FHIP1B: variants seen among roughly 807,000 people sequenced by gnomAD.
The protein encoded by FHIP1B is FHF complex subunit HOOK-interacting protein 1B.
Under a neutral mutation model 82.2 loss-of-function variants are expected in FHIP1B, and 28 were observed. The ratio of observed to expected loss-of-function variants is 0.34; its 90% CI spans 0.25 to 0.47. The LOEUF is 0.47. Among genes scored for constraint, FHIP1B ranks in the 20% least tolerant of loss-of-function variants. The pLI is 1.00. For synonymous variants in FHIP1B, 585 were observed against 516.1 expected (o/e 1.13, Z -1.81); for missense variants, 1,110 against 1,262.6 (o/e 0.88, Z 1.83).
At chr11:6,218,196 A>G in intron 8 of FHIP1B, 46 bp from the exon 9 acceptor site, 1 of 1,565,524 alleles carries the variant, frequency 6.4e-7, no homozygotes, top group Non-Finnish European at 8.6e-7. Context: ...ACAGAGGTTC[A>G]GAAGGAGAGA....
intron 1 of FHIP1B, among the ~76,000 whole-genome samples, chr11:6,226,875 CAG>C (rs1847579081): frequency 6.6e-6 from 1 of 152,072 alleles, no homozygotes; most frequent in African/African-American, 2.4e-5. Flanking sequence ...TAAGATGGAG[CAG>C]AGAGAGATGG....
intron 6 of FHIP1B, among the ~76,000 whole-genome samples, chr11:6,219,655 A>C (rs1437422752): frequency 6.6e-6 from 1 of 152,196 alleles, no homozygotes; most frequent in Non-Finnish European, 1.5e-5. Context: ...GATTAGAGGA[A>C]ATCTTTTATT....
chr11:6,223,570 T>A lies in FHIP1B; in HGVS notation c.777+40A>T. ...GGATAGGAAGGTGCTGTTCAGTATC[T>A]ACACACCACACCCTACCCTCCAAGC... On this transcript the variant is annotated intron_variant, in intron 3 of 11. Transcript: ENST00000449352. This position sits in a 1 kb window ranked among gnomAD's most constrained non-coding sequence, Gnocchi z 4.8. The A allele has an allele frequency of 6.5e-7, 1 of 1,542,992 alleles. No individual in the cohort carries two copies. The highest frequency in any genetic ancestry group is 8.7e-7 in the Non-Finnish European group (1 of 1,146,210).
chr11:6,224,972 T>C (rs1047795079), intron 1 of FHIP1B, among the ~76,000 whole-genome samples: 20 of 152,214 alleles, frequency 1.3e-4, no homozygotes, highest in Non-Finnish European at 2.6e-4. Flanking sequence ...TTTTTTCTTT[T>C]CCTTACTTCC....
chr11:6,217,999 G>C lies in FHIP1B; in HGVS notation c.1587C>G (p.Ser529=), dbSNP rs1039384609. The stretch of plus-strand genomic sequence containing the variant: ...GCCGTCGGCCAGGGCTGGAGGCGGG[G>C]GATGCAGAAAGCCCTGGTGAGCAAG... The part of the protein sequence containing the change: ...PAPCSPGLSA[S]PASSPGRRPT... Residue 529 remains serine, a synonymous_variant, in exon 9 of 12, where the codon TCC becomes TCG. Coordinates refer to ENST00000449352, the MANE Select transcript of FHIP1B (RefSeq NM_001098794.2). 5.0e-6 allele frequency: 8 copies of C among 1,613,538 alleles called. No individual in the cohort carries two copies. The highest frequency in any genetic ancestry group is 1.6e-4 in the Middle Eastern group (1 of 6,084).
chr11:6,225,372 T>C (rs1314289931), intron 1 of FHIP1B, among the ~76,000 whole-genome samples: 2 of 152,244 alleles, frequency 1.3e-5, no homozygotes, highest in Non-Finnish European at 2.9e-5. Flanking sequence ...TTTGTTTGTT[T>C]GTTTGTTTCA....
rs759141820 is a variant in FHIP1B at position 6,214,477 on chromosome 11, G to A, written c.2491C>T (p.Arg831Cys). 5.0e-6 allele frequency: 8 copies of A among 1,614,002 alleles called. No individual in the cohort carries two copies. The African/African-American group carries it at 5.3e-5, about 11-fold the overall frequency. Residue 831 changes from arginine (R) to cysteine (C), a missense_variant, in exon 11 of 12, where the codon CGT becomes TGT. Physicochemically the swap from Arg to Cys is radical, Grantham distance 180. This residue lies in a region of FHIP1B where 147 missense variants were observed against 154.0 expected (regional missense o/e 0.95). Coordinates refer to ENST00000449352, the MANE Select transcript of FHIP1B (RefSeq NM_001098794.2). ...LSKAKKYLIA[R>C]GKLDWAEGPA... ...CCCTCAGCCCAGTCCAACTTGCCAC[G>A]GGCAATGAGGTACTTCTTGGCTTTG...
chr11:6,231,249 C>A lies in FHIP1B; in HGVS notation c.-192+3295G>T, dbSNP rs767590959. Among the ~76,000 whole-genome samples, 5 of 152,144 alleles carry A rather than the reference C, an allele frequency of 3.3e-5. 1 individual carries two copies. The South Asian group carries it at 8.3e-4, about 25-fold the overall frequency. Reference sequence around the variant, plus strand: ...TGATTGAATGCAGGGAGTAAAAGAGCAGAAAGTATGAAAGATGACAATGTA... The same window carrying A: ...TGATTGAATGCAGGGAGTAAAAGAGAAGAAAGTATGAAAGATGACAATGTA... On this transcript the variant is annotated intron_variant, in intron 1 of 11. Transcript: ENST00000449352.
rs1371060483 is a variant in FHIP1B at position 6,214,462 on chromosome 11, A to G, written c.2506T>C (p.Trp836Arg). Reference sequence around the variant, plus strand: ...GGTCCTGCTGCAGGGCCCTCAGCCCAGTCCAACTTGCCACGGGCAATGAGG... The same window carrying G: ...GGTCCTGCTGCAGGGCCCTCAGCCCGGTCCAACTTGCCACGGGCAATGAGG... ...KYLIARGKLD[W>R]AEGPAAGPAP... Residue 836 changes from tryptophan to arginine, a missense_variant, in exon 11 of 12, where the codon TGG becomes CGG. Trp to Arg is a moderately radical substitution (Grantham distance 101, BLOSUM62 -3). Coordinates refer to ENST00000449352, the MANE Select transcript of FHIP1B (RefSeq NM_001098794.2). 3.1e-6 allele frequency: 5 copies of G among 1,613,908 alleles called. No homozygotes were observed. The African/African-American group carries it at 5.3e-5, about 17-fold the overall frequency.
rs72910144 is a variant in FHIP1B, at chr11:6,217,433, G to A, written c.2153C>T (p.Pro718Leu). 18,020 of 1,614,056 alleles carry A rather than the reference G, an allele frequency of 0.011. 139 individuals carry two copies. The highest frequency in any genetic ancestry group is 0.013 in the Non-Finnish European group (15,915 of 1,179,950). The change falls in exon 9 of 12, where the codon CCT becomes CTT. Residue 718 changes from proline (P) to leucine (L), a missense_variant. Physicochemically the swap from Pro to Leu is moderately conservative, Grantham distance 98. Around this residue, in one of 6 missense-constraint regions of FHIP1B, gnomAD observed 418 missense variants for 371.4 expected, o/e 1.13. Transcript: ENST00000449352. Reference protein sequence around the residue: ...YESFTCPPEPPGPFLSSPLRT... With the variant: ...YESFTCPPEPLGPFLSSPLRT... ...CAAAGGGCTGCTGAGGAAGGGGCCA[G>A]GGGGCTCAGGGGGACAGGTGAAGCT...
Position 6,222,945 on chromosome 11 carries a change from C to G in FHIP1B, c.937-48G>C, listed in dbSNP as rs562223492. 1.9e-6 allele frequency: 3 copies of G among 1,597,512 alleles called. No individual in the cohort carries two copies. The African/African-American group carries it at 4.0e-5, about 21-fold the overall frequency. The stretch of plus-strand genomic sequence containing the variant: ...GGGGAGGGTTATGAGGAGACCACTG[C>G]CTGGAAGGGAGTAGAATAGTACACT... On this transcript the variant is annotated intron_variant, in intron 4 of 11. Transcript: ENST00000449352.
intron 1 of FHIP1B, among the ~76,000 whole-genome samples, chr11:6,228,142 G>GT (rs1471178273): frequency 1.3e-5 from 2 of 152,206 alleles, no homozygotes; most frequent in Non-Finnish European, 2.9e-5. Flanking sequence ...GAGGTCAGGA[G>GT]TTTGAGACCA....
rs143007514 is a variant in FHIP1B, at chr11:6,214,387, C to T, written c.2557+24G>A. 2.4e-4 allele frequency: 387 copies of T among 1,582,596 alleles called. 1 individual carries two copies. The East Asian group carries it at 5.8e-3, about 24-fold the overall frequency. ...ATAGGCTATCTAGGGAGGGCAGGTACGGGTGTGGTGGGATAGGCCTCACCT... is the reference window on the plus strand; with the variant it reads ...ATAGGCTATCTAGGGAGGGCAGGTATGGGTGTGGTGGGATAGGCCTCACCT... On this transcript the variant is annotated intron_variant, in intron 11 of 11. Coordinates refer to ENST00000449352, the MANE Select transcript of FHIP1B (RefSeq NM_001098794.2).
intron 6 of FHIP1B, among the ~76,000 whole-genome samples, chr11:6,221,986 T>C (rs1482814107): frequency 6.6e-6 from 1 of 152,048 alleles, no homozygotes; most frequent in Non-Finnish European, 1.5e-5. Flanking sequence ...GGTGGATGAG[T>C]GCTCCAAGCT....
intron 2 of FHIP1B, 35 bp downstream of exon 2, chr11:6,224,344 C>G: frequency 6.2e-7 from 1 of 1,614,206 alleles, no homozygotes. Context: ...CTCAGGTGAT[C>G]AGCAGACAAG....
At chr11:6,218,785 G>C (rs1847323950) in intron 7 of FHIP1B, 22 bp from the exon 8 acceptor site, 3 of 1,613,002 alleles carry the variant, frequency 1.9e-6, no homozygotes, top group African/African-American at 1.3e-5. Context: ...ATCAGAAAGG[G>C]GACACAGGGT....
Position 6,224,669 on chromosome 11 carries a change from G to A in FHIP1B, c.-153C>T. On this transcript the variant is annotated 5_prime_UTR_variant, in exon 2 of 12. Transcript: ENST00000449352. ...CCAGAGGTTATACCAGGCTGGAATG[G>A]CAAGCCCAGAGGTCACTGGCCAGTC... 3 of 742,528 alleles carry A rather than the reference G, an allele frequency of 4.0e-6. No homozygotes were observed. Among genetic ancestry groups the A allele is most frequent in the Non-Finnish European group, 6.4e-6 (3 of 466,514 alleles). 46.0% of individuals were successfully genotyped at this position (742,528 alleles called of 1,614,324 possible).
chr11:6,218,121 A>T lies in FHIP1B; in HGVS notation c.1465T>A (p.Ser489Thr), dbSNP rs1248604751. Reference protein sequence around the residue: ...GPGSPSVDSSSVTTVPRPSTP... With the variant: ...GPGSPSVDSSTVTTVPRPSTP... Reference sequence around the variant, plus strand: ...GAGGGCCGGGGTACTGTCGTCACAGAAGAGGAGTCCACACTTGGGCTTCCA... The same window carrying T: ...GAGGGCCGGGGTACTGTCGTCACAGTAGAGGAGTCCACACTTGGGCTTCCA... Residue 489 changes from serine (S) to threonine (T), a missense_variant, in exon 9 of 12, where the codon TCT becomes ACT. Physicochemically the swap from Ser to Thr is moderately conservative, Grantham distance 58 (BLOSUM62 1). Around this residue, in one of 6 missense-constraint regions of FHIP1B, gnomAD observed 418 missense variants for 371.4 expected, o/e 1.13. Transcript: ENST00000449352. 6.2e-7 allele frequency: 1 copy of T among 1,612,762 alleles called. No individual in the cohort carries two copies. The highest frequency in any genetic ancestry group is 8.5e-7 in the Non-Finnish European group (1 of 1,179,266).
intron 9 of FHIP1B, chr11:6,215,211 GT>G (rs902667880): frequency 3.8e-6 from 1 of 265,276 alleles, no homozygotes; most frequent in African/African-American, 2.2e-5. Context: ...GTTTGGACAG[GT>G]CAAAATTGTC....
Sources: allele counts gnomAD v4.1 joint callset (sites outside exome capture counted in the v4.1 genomes callset), GRCh38; gene constraint gnomAD v4.1.1; regional missense constraint gnomAD v4.1.1; non-coding constraint Gnocchi (gnomAD v3.1); transcripts MANE v1.5; gene names NCBI Gene and HGNC (gene_info 2026-07-23, HGNC 2026-07-21).